The following SLC25A42 variants were observed in gnomAD, a reference collection of about 807,000 sequenced individuals.
SLC25A42 encodes the protein solute carrier family 25 member 42.
Under a neutral mutation model 34.7 loss-of-function variants are expected in SLC25A42, and 19 were observed. The ratio of observed to expected loss-of-function variants is 0.55; its 90% CI spans 0.38 to 0.80. The LOEUF (loss-of-function observed/expected upper bound fraction) is 0.80. Among genes scored for constraint, SLC25A42 ranks in the 30% least tolerant of loss-of-function variants. The probability of loss-of-function intolerance (pLI) is 0.00; values close to 1 mark genes in which losing one functional copy is unlikely to be tolerated. For missense variants in SLC25A42, 364 were observed against 441.3 expected (o/e 0.82, Z 1.57); for synonymous variants, 205 against 191.2 (o/e 1.07, Z -0.59).
intron 1 of SLC25A42, among the ~76,000 whole-genome samples, chr19:19,085,384 C>CTT (rs11334289): frequency 4.2e-5 from 6 of 141,776 alleles, no homozygotes; most frequent in African/African-American, 1.6e-4. Flanking sequence ...CACATTTTTT[C>CTT]TTTTTTTTTT....
At chr19:19,098,684 C>T (rs943642400) in intron 2 of SLC25A42, among the ~76,000 whole-genome samples, 4 of 152,152 alleles carry the variant, frequency 2.6e-5, no homozygotes, top group African/African-American at 9.7e-5. Context: ...TTTGGGATGC[C>T]GAGACAGGCG....
intron 2 of SLC25A42, among the ~76,000 whole-genome samples, chr19:19,099,529 G>C (rs964553566): frequency 1.3e-5 from 2 of 152,122 alleles, no homozygotes; most frequent in Admixed American, 1.3e-4. Flanking sequence ...TTCAGGCCAA[G>C]TGTGTGGACA....
At chr19:19,082,071 C>T (rs2059684522) in intron 1 of SLC25A42, among the ~76,000 whole-genome samples, 1 of 152,178 alleles carries the variant, frequency 6.6e-6, no homozygotes, top group Admixed American at 6.5e-5. Context: ...CCCGTCACTC[C>T]CCTGGCCACT....
Position 19,064,068 on chromosome 19 carries a change from CG to C in SLC25A42, c.-75del, listed in dbSNP as rs916039520. On this transcript the variant is annotated 5_prime_UTR_variant, in exon 1 of 8. Transcript: ENST00000318596. ...GCCGGTGAGGGGGCGCGGGGGGCGC[CG>C]GGGGGGCCCAAGCGTCAGCGGCCCG... 2.6e-5 allele frequency: 4 copies of C among 152,366 alleles called. No individual in the cohort carries two copies. Among genetic ancestry groups the C allele is most frequent in the Non-Finnish European group, 5.9e-5 (4 of 68,164 alleles). The allele number at this position is 152,366 out of a possible 1,614,324, so 9.4% of individuals were successfully genotyped here.
At chr19:19,082,351 C>A (rs766348394) in intron 1 of SLC25A42, among the ~76,000 whole-genome samples, 2 of 152,136 alleles carry the variant, frequency 1.3e-5, no homozygotes, top group Non-Finnish European at 2.9e-5. Flanking sequence ...AGTTCTCCTG[C>A]GTCTATCTTT....
chr19:19,068,432 C>T (rs982006161), intron 1 of SLC25A42, among the ~76,000 whole-genome samples: 10 of 151,310 alleles, frequency 6.6e-5, no homozygotes, highest in Admixed American at 4.0e-4. Flanking sequence ...TTTGGGAGGC[C>T]GAGGCAGGTG....
At chr19:19,100,059 C>A (rs1160766258) in intron 2 of SLC25A42, among the ~76,000 whole-genome samples, 2 of 151,438 alleles carry the variant, frequency 1.3e-5, no homozygotes, top group Non-Finnish European at 2.9e-5. Flanking sequence ...TAGCCCATTT[C>A]GGCCGGGCGC....
At chr19:19,101,735 AG>A in intron 2 of SLC25A42, 45 bp from the exon 3 acceptor site, 1 of 1,550,532 alleles carries the variant, frequency 6.4e-7, no homozygotes, top group Non-Finnish European at 8.8e-7. Context: ...TCCTCTGCGG[AG>A]CCGCCCCCCT....
chr19:19,105,307 T>A (rs1265726270), intron 4 of SLC25A42: 2 of 580,720 alleles, frequency 3.4e-6, no homozygotes, highest in African/African-American at 3.7e-5. Context: ...CCTGGTTCGC[T>A]TTGCAGTCCC....
intron 3 of SLC25A42, among the ~76,000 whole-genome samples, chr19:19,102,467 GGCGCAGT>G (rs2145921058): frequency 6.6e-6 from 1 of 152,132 alleles, no homozygotes; most frequent in African/African-American, 2.4e-5. Flanking sequence ...CAGAGGCCCT[GGCGCAGT>G]GGCTCTTGCC....
chr19:19,082,587 G>T (rs758005173), intron 1 of SLC25A42, among the ~76,000 whole-genome samples: 3 of 151,822 alleles, frequency 2.0e-5, no homozygotes, highest in Non-Finnish European at 4.4e-5. Context: ...TGGTCTCGAT[G>T]CCTGACCTCA....
intron 1 of SLC25A42, among the ~76,000 whole-genome samples, chr19:19,070,991 C>CTTT (rs35787720): frequency 0.011 from 1,346 of 117,174 alleles, 107 homozygotes; most frequent in Admixed American, 0.11. Context: ...TGCATACCGT[C>CTTT]TTTTTTTTTT....
intron 1 of SLC25A42, among the ~76,000 whole-genome samples, chr19:19,073,444 G>T (rs2059640384): frequency 6.6e-6 from 1 of 152,208 alleles, no homozygotes; most frequent in African/African-American, 2.4e-5. Context: ...AGAGAAGTTT[G>T]CCAGGATCGG....
chr19:19,096,254 T>TGGGGGCCCCCCCCCC, intron 2 of SLC25A42, 49 bp downstream of exon 2: 2 of 1,456,700 alleles, frequency 1.4e-6, no homozygotes, highest in African/African-American at 1.5e-5. Context: ...GGCCCCAGCC[T>TGGGGGCCCCCCCCCC]CCCCACCCCC....
rs146735931 is a variant in SLC25A42, at chr19:19,067,102, CCT to C, written c.-35+2991_-35+2992del. 2.5e-3 allele frequency among the ~76,000 whole-genome samples: 375 copies of C among 151,482 alleles called. 3 individuals are homozygous for C. The South Asian group carries it at 0.035, about 14-fold the overall frequency. ...AACTGTGAAGTTGGAAAGCCTGATTCCTCTCCTGTGGCCAGCTCAGTTATCTT... is the reference window on the plus strand; with the variant it reads ...AACTGTGAAGTTGGAAAGCCTGATTCCTCCTGTGGCCAGCTCAGTTATCTT... On this transcript the variant is annotated intron_variant, in intron 1 of 7. Transcript: ENST00000318596.
intron 1 of SLC25A42, among the ~76,000 whole-genome samples, chr19:19,084,117 C>T (rs1050679608): frequency 2.0e-5 from 3 of 152,078 alleles, no homozygotes; most frequent in Admixed American, 1.3e-4. Flanking sequence ...CACACCTGCC[C>T]ATACCCCACC....
chr19:19,067,418 TA>T (rs1390017109), intron 1 of SLC25A42, among the ~76,000 whole-genome samples: 1 of 151,702 alleles, frequency 6.6e-6, no homozygotes, highest in Non-Finnish European at 1.5e-5. Flanking sequence ...CCTATCTCTA[TA>T]AAAAAAATTT....
intron 2 of SLC25A42, among the ~76,000 whole-genome samples, chr19:19,100,440 C>G (rs1175821167): frequency 1.3e-5 from 2 of 152,142 alleles, no homozygotes; most frequent in African/African-American, 4.8e-5. Context: ...CATCTCCTTT[C>G]TCTTCTCTGG....
chr19:19,072,425 TG>T (rs200514557), intron 1 of SLC25A42, among the ~76,000 whole-genome samples: 2,172 of 152,316 alleles, frequency 0.014, 47 homozygotes, highest in African/African-American at 0.047. Flanking sequence ...TTACCCAGGC[TG>T]GAGTGCAGTG....
Sources: allele counts gnomAD v4.1 joint callset (sites outside exome capture counted in the v4.1 genomes callset), GRCh38; gene constraint gnomAD v4.1.1; transcripts MANE v1.5; gene names NCBI Gene and HGNC (gene_info 2026-07-23, HGNC 2026-07-21).